EPPK1: variants seen among roughly 807,000 people sequenced by gnomAD.
The protein encoded by EPPK1 is epiplakin 1.
For synonymous variants in EPPK1, 1,862 were observed against 1,721.2 expected (o/e 1.08, Z -2.03); for missense variants, 3,823 against 3,673.3 (o/e 1.04, Z -1.05).
At position 143,857,948 on chromosome 8, in the gene EPPK1, T is replaced by C. The variant is rs1818932248; in HGVS notation, c.*39A>G. The C allele has an allele frequency of 8.8e-7, 1 of 1,132,368 alleles. No homozygotes were observed. The highest frequency in any genetic ancestry group is 1.2e-6 in the Non-Finnish European group (1 of 804,406). 70.1% of individuals were successfully genotyped at this position (1,132,368 alleles called of 1,614,324 possible). ...CCCAGACACACAAGTATGCCTCCAC[T>C]TCTCCAGAGTTGCAGAAAACTGCAC... is the stretch of plus-strand genomic sequence containing the variant. On this transcript the variant is annotated 3_prime_UTR_variant, in exon 2 of 2. Coordinates refer to ENST00000615648, the MANE Select transcript of EPPK1 (RefSeq NM_031308.4).
chr8:143,878,139 C>G (rs1586706797), intron 1 of EPPK1, among the ~76,000 whole-genome samples: 1 of 152,050 alleles, frequency 6.6e-6, no homozygotes, highest in Admixed American at 6.5e-5. Flanking sequence ...CCGCCTCTCC[C>G]GTGAGGGCTC....
In EPPK1 at chr8:143,868,782, C is replaced by A. The variant is rs781847075; in HGVS notation, c.4472G>T (p.Arg1491Leu). The A allele has an allele frequency of 4.4e-5, 71 of 1,598,948 alleles. No individual in the cohort carries two copies. Among genetic ancestry groups the A allele is most frequent in the Non-Finnish European group, 5.6e-5 (66 of 1,177,636 alleles). The change falls in exon 2 of 2, where the codon CGG becomes CTG. Residue 1491 changes from arginine (R) to leucine (L), a missense_variant. By Grantham distance (102) the Arg-to-Leu change is moderately radical. Coordinates refer to ENST00000615648, the MANE Select transcript of EPPK1 (RefSeq NM_031308.4). ...CCGCAGGGCCGCAGCCCTCCCAGAC[C>A]GACAGAGTGCCACCAGCTCCCGCCG... Reference protein sequence around the residue: ...DKRRELVALCRSGRAAALRQV... With the variant: ...DKRRELVALCLSGRAAALRQV...
chr8:143,869,173 C>T lies in EPPK1; in HGVS notation c.4081G>A (p.Ala1361Thr), dbSNP rs566768696. 1.0e-5 allele frequency: 16 copies of T among 1,608,028 alleles called. No homozygotes were observed. The highest frequency in any genetic ancestry group is 1.6e-4 in the Middle Eastern group (1 of 6,074). ...EGLPLLQVQLATGGVVDPVHG... is the reference protein window; with the variant it reads ...EGLPLLQVQLTTGGVVDPVHG... ...ACAGGGTCCACCACACCCCCTGTGG[C>T]CAGCTGCACCTGCAGGAGGGGCAAG... Residue 1361 changes from alanine to threonine, a missense_variant, in exon 2 of 2, where the codon GCC becomes ACC. Coordinates refer to ENST00000615648, the MANE Select transcript of EPPK1 (RefSeq NM_031308.4).
At position 143,867,790 on chromosome 8, in the gene EPPK1, C is replaced by T. The variant is rs371009588; in HGVS notation, c.5464G>A (p.Gly1822Arg). The T allele has an allele frequency of 3.1e-6, 5 of 1,613,696 alleles. No homozygotes were observed. The highest frequency in any genetic ancestry group is 4.2e-6 in the Non-Finnish European group (5 of 1,179,874). The change falls in exon 2 of 2, where the codon GGG becomes AGG. Residue 1822 changes from glycine (G) to arginine (R), a missense_variant. By Grantham distance (125) the Gly-to-Arg change is moderately radical. Coordinates refer to ENST00000615648, the MANE Select transcript of EPPK1 (RefSeq NM_031308.4). ...ELIQEYGAQS[G>R]GLEKLLEIIT... Reference sequence around the variant, plus strand: ...ATTTCCAGCAATTTCTCCAGGCCCCCACTCTGGGCTCCATACTCCTGGATG... The same window carrying T: ...ATTTCCAGCAATTTCTCCAGGCCCCTACTCTGGGCTCCATACTCCTGGATG...
intron 1 of EPPK1, among the ~76,000 whole-genome samples, chr8:143,875,606 A>G (rs1554662221): frequency 6.6e-6 from 1 of 152,272 alleles, no homozygotes; most frequent in African/African-American, 2.4e-5. Context: ...CTGGTAAACG[A>G]CCAGCATTGG....
In EPPK1 at chr8:143,867,512, A is replaced by G. The variant is rs370750586; in HGVS notation, c.5742T>C (p.His1914=). The G allele has an allele frequency of 2.5e-6, 4 of 1,612,438 alleles. No individual in the cohort carries two copies. Among genetic ancestry groups the G allele is most frequent in the Non-Finnish European group, 3.4e-6 (4 of 1,179,792 alleles). ...GGATGAGCTCCTTCCTGCTGGCCTC[A>G]TGGAGGCTCATGACCTCCCTGGTGG... is the stretch of plus-strand genomic sequence containing the variant. The part of the protein sequence containing the change: ...VPSTREVMSL[H]EASRKELIPA... The change falls in exon 2 of 2, where the codon CAT becomes CAC. Residue 1914 remains histidine, a synonymous_variant. Transcript: ENST00000615648.
Position 143,867,011 on chromosome 8 carries a change from C to G in EPPK1, c.6243G>C (p.Leu2081=), listed in dbSNP as rs1554659267. Reference sequence around the variant, plus strand: ...GTGCAGCCTTGTTCACTGGGAACAGCAGCCAGCCCGTGTCCTCTTGTGGGC... The same window carrying G: ...GTGCAGCCTTGTTCACTGGGAACAGGAGCCAGCCCGTGTCCTCTTGTGGGC... ...RCRPQEDTGW[L]LFPVNKAARD... is the part of the protein sequence containing the mutation. Residue 2081 remains leucine, a synonymous_variant, in exon 2 of 2, where the codon CTG becomes CTC. Transcript: ENST00000615648. 1.2e-6 allele frequency: 2 copies of G among 1,612,738 alleles called. No homozygotes were observed. The highest frequency in any genetic ancestry group is 1.7e-6 in the Non-Finnish European group (2 of 1,179,886).
In EPPK1 at chr8:143,866,969, G is replaced by C. The variant is rs782256924; in HGVS notation, c.6285C>G (p.Ile2095Met). Residue 2095 changes from isoleucine (I) to methionine (M), a missense_variant, in exon 2 of 2, where the codon ATC (isoleucine) becomes ATG (methionine). Physicochemically the swap from Ile to Met is conservative, Grantham distance 10. Transcript: ENST00000615648. ...CCAGGGCCCTTCTCGTCTCGTCATC[G>C]ATGTGCTCGGAGTCCCGTGCAGCCT... ...VNKAARDSEH[I>M]DDETRRALEA... 1.2e-6 allele frequency: 2 copies of C among 1,612,752 alleles called. No individual in the cohort carries two copies. The highest frequency in any genetic ancestry group is 1.7e-6 in the Non-Finnish European group (2 of 1,179,860).
chr8:143,867,291 G>C lies in EPPK1; in HGVS notation c.5963C>G (p.Pro1988Arg). 1.2e-6 allele frequency: 2 copies of C among 1,612,366 alleles called. No individual in the cohort carries two copies. Among genetic ancestry groups the C allele is most frequent in the Non-Finnish European group, 1.7e-6 (2 of 1,179,606 alleles). ...YRDPATGDTIPLFQAMQKQLI... is the reference protein window; with the variant it reads ...YRDPATGDTIRLFQAMQKQLI... ...CTGCTTCTGCATGGCCTGGAACAGC[G>C]GGATCGTGTCTCCTGTGGCCGGATC... Residue 1988 changes from proline to arginine, a missense_variant, in exon 2 of 2, where the codon CCG becomes CGG. Physicochemically the swap from Pro to Arg is moderately radical, Grantham distance 103. Transcript: ENST00000615648.
upstream of EPPK1, among the ~76,000 whole-genome samples, chr8:143,878,883 C>G (rs1476228582): frequency 6.6e-6 from 1 of 152,104 alleles, no homozygotes; most frequent in Non-Finnish European, 1.5e-5. Flanking sequence ...TGCTTCACGT[C>G]GTGTGTCTGC....
intron 1 of EPPK1, 132 bp from the exon 2 acceptor site, chr8:143,873,430 C>T (rs1449299114): frequency 1.5e-5 from 9 of 588,894 alleles, no homozygotes; most frequent in Admixed American, 3.8e-5. Flanking sequence ...AGAGTGTCCC[C>T]GAGGAGCTGA....
chr8:143,868,260 T>C lies in EPPK1; in HGVS notation c.4994A>G (p.Gln1665Arg). The C allele has an allele frequency of 6.2e-7, 1 of 1,613,238 alleles. No individual in the cohort carries two copies. The highest frequency in any genetic ancestry group is 1.1e-5 in the South Asian group (1 of 91,088). The change falls in exon 2 of 2, where the codon CAG (glutamine) becomes CGG (arginine). Residue 1665 changes from glutamine to arginine, a missense_variant. Transcript: ENST00000615648. ...PYTGQQISLF[Q>R]AMQKDLIVRE... The stretch of plus-strand genomic sequence containing the variant: ...GACGATGAGGTCCTTCTGCATGGCC[T>C]GGAAGAGGGAGATCTGCTGCCCGGT...
At chr8:143,878,981 G>C (rs1375020598), upstream of EPPK1, among the ~76,000 whole-genome samples, 1 of 152,112 alleles carries the variant, frequency 6.6e-6, no homozygotes, top group Non-Finnish European at 1.5e-5. Flanking sequence ...CTGGAGCAGT[G>C]CCAGGCCTCA....
In EPPK1 at chr8:143,857,735, AG is replaced by A; in HGVS notation, c.*251del. 1 of 415,186 alleles carries A rather than the reference AG, an allele frequency of 2.4e-6. No individual in the cohort carries two copies. The highest frequency in any genetic ancestry group is 8.6e-5 in the South Asian group (1 of 11,566). 25.7% of individuals were successfully genotyped at this position (415,186 alleles called of 1,614,324 possible). A position where few individuals can be genotyped will look rare whatever the true frequency, so the allele number is the denominator to read the frequency against. Reference sequence around the variant, plus strand: ...CAGAAAAATGTTCTGAAAACGAAAAAGGAGAGAAAAGTAAAACCATATGACA... The same window carrying A: ...CAGAAAAATGTTCTGAAAACGAAAAAGAGAGAAAAGTAAAACCATATGACA... On this transcript the variant is annotated 3_prime_UTR_variant, in exon 2 of 2. Transcript: ENST00000615648.
chr8:143,866,729 T>G lies in EPPK1; in HGVS notation c.6525A>C (p.Gln2175His), dbSNP rs1248281252. The change falls in exon 2 of 2, where the codon CAA becomes CAC. Residue 2175 changes from glutamine to histidine, a missense_variant. Coordinates refer to ENST00000615648, the MANE Select transcript of EPPK1 (RefSeq NM_031308.4). ...AAGCTGTGATCTGTCGTCTAATTCC[T>G]TGGAACCACAGGTGTTTGTTGCTGG... Reference protein sequence around the residue: ...QETSNKHLWFQGIRRQITASE... With the variant: ...QETSNKHLWFHGIRRQITASE... 6.2e-7 allele frequency: 1 copy of G among 1,613,362 alleles called. No homozygotes were observed. The highest frequency in any genetic ancestry group is 1.3e-5 in the African/African-American group (1 of 74,944).
In EPPK1 at chr8:143,870,767, C is replaced by G. The variant is rs1819317884; in HGVS notation, c.2487G>C (p.Gln829His). The change falls in exon 2 of 2, where the codon CAG becomes CAC. Residue 829 changes from glutamine to histidine, a missense_variant. Gln to His is a conservative substitution (Grantham distance 24, BLOSUM62 0). Transcript: ENST00000615648. The surrounding 1 kb of genome is among the most constrained non-coding windows in gnomAD (Gnocchi z 5.2). ...TGATCAGCTCCCACGCGGAGACCCT[C>G]TGCCCCTGAAACCGTCCATACTTCA... ...LSVKYGRFQG[Q>H]RVSAWELINS... is the part of the protein sequence containing the mutation. 2 of 1,612,668 alleles carry G rather than the reference C, an allele frequency of 1.2e-6. No individual in the cohort carries two copies. The highest frequency in any genetic ancestry group is 4.5e-5 in the East Asian group (2 of 44,882).
Position 143,866,240 on chromosome 8 carries a change from C to G in EPPK1, c.7014G>C (p.Leu2338=). The G allele has an allele frequency of 2.1e-6, 1 of 466,412 alleles. No homozygotes were observed. Among genetic ancestry groups the G allele is most frequent in the South Asian group, 2.2e-5 (1 of 46,230 alleles). The allele number at this position is 466,412 out of a possible 1,614,324, so 28.9% of individuals were successfully genotyped here. ...CGCCCGTGGCGATCTGGGCCTCCAG[C>G]AGGCGGATGCCGTGCTCCCGGACGA... ...DLIVREHGIR[L]LEAQIATGGV... The change falls in exon 2 of 2, where the codon CTG becomes CTC. Residue 2338 remains leucine (L), a synonymous_variant. Coordinates refer to ENST00000615648, the MANE Select transcript of EPPK1 (RefSeq NM_031308.4).
At position 143,865,504 on chromosome 8, in the gene EPPK1, C is replaced by A. The variant is rs1266488853; in HGVS notation, c.7750G>T (p.Ala2584Ser). The A allele has an allele frequency of 1.4e-5, 2 of 143,012 alleles. No homozygotes were observed. The highest frequency in any genetic ancestry group is 3.3e-4 in the East Asian group (2 of 6,126). 8.9% of individuals were successfully genotyped at this position (143,012 alleles called of 1,614,324 possible). The change falls in exon 2 of 2, where the codon GCC becomes TCC. Residue 2584 changes from alanine (A) to serine (S), a missense_variant. By Grantham distance (99) the Ala-to-Ser change is moderately conservative. Transcript: ENST00000615648. ...CAGGCGTCCTGGAGCTGCGGCCGGG[C>A]CCCGGGGGCCTCCTCGGCCTCCTCG... ...IIEEAEEAPGARPQLQDAWRG... is the reference protein window; with the variant it reads ...IIEEAEEAPGSRPQLQDAWRG...
At chr8:143,877,905 G>C (rs568017270) in intron 1 of EPPK1, among the ~76,000 whole-genome samples, 3 of 151,964 alleles carry the variant, frequency 2.0e-5, no homozygotes, top group Non-Finnish European at 2.9e-5. Context: ...CCGTGTGACC[G>C]CTTACCTGAC....
Sources: allele counts gnomAD v4.1 joint callset (sites outside exome capture counted in the v4.1 genomes callset), GRCh38; gene constraint gnomAD v4.1.1; non-coding constraint Gnocchi (gnomAD v3.1); transcripts MANE v1.5; gene names NCBI Gene and HGNC (gene_info 2026-07-23, HGNC 2026-07-21).